Variants in PHF12 observed in about 807,000 individuals in gnomAD.
PHF12 encodes the protein PHD factor 1.
PHF12 carries 6 observed loss-of-function variants against 99.8 expected under a neutral mutation model. The observed-to-expected ratio is 0.06, with a 90% CI of 0.03 to 0.12. The LOEUF (loss-of-function observed/expected upper bound fraction) is 0.12. Among genes scored for constraint, PHF12 ranks in the 10% least tolerant of loss-of-function variants. The probability of loss-of-function intolerance (pLI) is 1.00; values close to 1 mark genes in which losing one functional copy is unlikely to be tolerated. For synonymous variants in PHF12, 480 were observed against 514.9 expected (o/e 0.93, Z 0.92); for missense variants, 954 against 1,300.1 (o/e 0.73, Z 4.09).
intron 3 of PHF12, chr17:28,925,699 T>C (rs2040259298): frequency 6.6e-6 from 1 of 152,214 alleles, no homozygotes; most frequent in Non-Finnish European, 1.5e-5. Flanking sequence ...TTTGAGTCCT[T>C]GGGAAAGTTA....
rs183905228 is a variant in PHF12 at position 28,912,198 on chromosome 17, T to C, written c.2089+284A>G. 4.4e-3 allele frequency: 5,528 copies of C among 1,242,930 alleles called. 16 individuals carry two copies. Among genetic ancestry groups the C allele is most frequent in the Non-Finnish European group, 4.8e-3 (4,721 of 992,158 alleles). The allele number at this position is 1,242,930 out of a possible 1,614,324, so 77.0% of individuals were successfully genotyped here. ...GGCAGAGGCCTAGGCCTGGAAGGTA[T>C]GGGATGGAGTCAGGAGACCTGGGCT... On this transcript the variant is annotated intron_variant, in intron 9 of 14. Coordinates refer to ENST00000332830, the MANE Select transcript of PHF12 (RefSeq NM_001033561.2).
In PHF12 at chr17:28,950,939, T is replaced by C. The variant is rs2040799574; in HGVS notation, c.22A>G (p.Lys8Glu). 6.2e-7 allele frequency: 1 copy of C among 1,613,866 alleles called. No individual in the cohort carries two copies. The highest frequency in any genetic ancestry group is 8.5e-7 in the Non-Finnish European group (1 of 1,179,940). Reference sequence around the variant, plus strand: ...GTGTCCAAGTCGTACACGATCGTCTTGGTCTCCATTTTCTCCCACATTCAT... The same window carrying C: ...GTGTCCAAGTCGTACACGATCGTCTCGGTCTCCATTTTCTCCCACATTCAT... MWEKMET[K>E]TIVYDLDTSG... Residue 8 changes from lysine (K) to glutamate (E), a missense_variant, in exon 1 of 15, where the codon AAG (lysine) becomes GAG (glutamate). This residue lies in a region of PHF12 where 66 missense variants were observed against 69.4 expected (regional missense o/e 0.95). Coordinates refer to ENST00000332830, the MANE Select transcript of PHF12 (RefSeq NM_001033561.2). The surrounding 1 kb of genome is among the most constrained non-coding windows in gnomAD (Gnocchi z 5.7).
At position 28,906,516 on chromosome 17, in the gene PHF12, C is replaced by A. The variant is rs761839215; in HGVS notation, c.2682G>T (p.Arg894Ser). 6.3e-7 allele frequency: 1 copy of A among 1,592,092 alleles called. No homozygotes were observed. The change falls in exon 15 of 15, where the codon AGG becomes AGT. Residue 894 changes from arginine (R) to serine (S), a missense_variant and splice_region_variant. Physicochemically the swap from Arg to Ser is moderately radical, Grantham distance 110 (BLOSUM62 -1). This residue lies in a region of PHF12 where 136 missense variants were observed against 172.3 expected (regional missense o/e 0.79). Transcript: ENST00000332830. This position sits in a 1 kb window ranked among gnomAD's most constrained non-coding sequence, Gnocchi z 4.2. ...CGTCCTGTTTCTGGTGCCGGCGGCGCCCTGGGAAAAAGGGGGATGGTCACA... is the reference window on the plus strand; with the variant it reads ...CGTCCTGTTTCTGGTGCCGGCGGCGACCTGGGAAAAAGGGGGATGGTCACA... ...SIVAKVQSVI[R>S]RRRHQKQDEE...
At chr17:28,938,487 C>T (rs1183916401) in intron 2 of PHF12, among the ~76,000 whole-genome samples, 1 of 152,102 alleles carries the variant, frequency 6.6e-6, no homozygotes, top group African/African-American at 2.4e-5. Flanking sequence ...CTCAGCTTCC[C>T]AAAGTGCTAG....
intron 7 of PHF12, among the ~76,000 whole-genome samples, chr17:28,915,534 G>C (rs1008829729): frequency 5.9e-5 from 9 of 152,112 alleles, no homozygotes; most frequent in African/African-American, 2.2e-4. Context: ...ATGGGCTGGT[G>C]ATGGCCTTAG....
chr17:28,908,802 T>C lies in PHF12; in HGVS notation c.2439A>G (p.Arg813=), dbSNP rs2039912321. The stretch of plus-strand genomic sequence containing the variant: ...GCTCACCTGTCCCGATGTAGAGGGT[T>C]CGATAGCACATGTTCACAGCTCCTC... ...GLGGAVNMCY[R]TLYIGTGADM... The change falls in exon 12 of 15, where the codon CGA becomes CGG. Residue 813 remains arginine (R), a synonymous_variant. Transcript: ENST00000332830. 6.2e-7 allele frequency: 1 copy of C among 1,613,706 alleles called. No individual in the cohort carries two copies. The highest frequency in any genetic ancestry group is 8.5e-7 in the Non-Finnish European group (1 of 1,179,930).
At chr17:28,940,490 A>G (rs2152676977) in intron 2 of PHF12, among the ~76,000 whole-genome samples, 1 of 152,362 alleles carries the variant, frequency 6.6e-6, no homozygotes, top group Admixed American at 6.5e-5. Flanking sequence ...TGAATTCCAC[A>G]ACAGCTCTAT....
Position 28,913,081 on chromosome 17 carries a change from G to A in PHF12, c.1490C>T (p.Pro497Leu). 2 of 1,614,184 alleles carry A rather than the reference G, an allele frequency of 1.2e-6. No homozygotes were observed. The highest frequency in any genetic ancestry group is 1.7e-6 in the Non-Finnish European group (2 of 1,180,020). Residue 497 changes from proline (P) to leucine (L), a missense_variant, in exon 9 of 15, where the codon CCC becomes CTC. Transcript: ENST00000332830. ...GGAATTCTGGGTGCTAATCCCTGAG[G>A]GGCAGGACAAGGGGTAGTGGGAAGG... Reference protein sequence around the residue: ...PTPSHYPLSCPSGISTQNSLS... With the variant: ...PTPSHYPLSCLSGISTQNSLS...
intron 2 of PHF12, chr17:28,928,320 G>C (rs1488472023): frequency 2.0e-5 from 3 of 152,174 alleles, no homozygotes; most frequent in Non-Finnish European, 4.4e-5. Flanking sequence ...TTCTGTACCA[G>C]GCCAATGAGT....
intron 2 of PHF12, among the ~76,000 whole-genome samples, chr17:28,939,975 C>A (rs1413750389): frequency 6.6e-6 from 1 of 152,224 alleles, no homozygotes; most frequent in South Asian, 2.1e-4. Flanking sequence ...GAAAGACTGA[C>A]GCTACATTCA....
chr17:28,908,190 C>CT (rs2039903822), intron 12 of PHF12: 1 of 160,858 alleles, frequency 6.2e-6, no homozygotes, highest in South Asian at 1.7e-4. Flanking sequence ...AAGCATCTGC[C>CT]TTCTCCTTAG....
In PHF12 at chr17:28,943,286, C is replaced by A. The variant is rs577127350; in HGVS notation, c.248+6779G>T. Among the ~76,000 whole-genome samples, 68 of 152,260 alleles carry A rather than the reference C, an allele frequency of 4.5e-4. 2 individuals are homozygous for A. The South Asian group carries it at 9.8e-3, about 22-fold the overall frequency. Reference sequence around the variant, plus strand: ...GGTTAAGAGTTACCATACGACCCAGCAATTCTGCCTCTAGGTGTATATCCA... The same window carrying A: ...GGTTAAGAGTTACCATACGACCCAGAAATTCTGCCTCTAGGTGTATATCCA... On this transcript the variant is annotated intron_variant, in intron 2 of 14. Transcript: ENST00000332830.
rs994028532 is a variant in PHF12, at chr17:28,935,052, T to C, written c.249-7989A>G. Among the ~76,000 whole-genome samples, 4 of 152,232 alleles carry C rather than the reference T, an allele frequency of 2.6e-5. No individual in the cohort carries two copies. The East Asian group carries it at 7.7e-4, about 29-fold the overall frequency. ...AAGGACCTCTACTTTATTTTCTGGC[T>C]TCAAAAGAGCATAGCCTGCATTGCT... On this transcript the variant is annotated intron_variant, in intron 2 of 14. Coordinates refer to ENST00000332830, the MANE Select transcript of PHF12 (RefSeq NM_001033561.2).
rs150665430 is a variant in PHF12 at position 28,936,044 on chromosome 17, T to C, written c.249-8981A>G. 2.2e-3 allele frequency among the ~76,000 whole-genome samples: 328 copies of C among 152,346 alleles called. 2 individuals carry two copies. Among genetic ancestry groups the C allele is most frequent in the African/African-American group, 7.5e-3 (312 of 41,572 alleles). ...ATTTAGAATGCCTTGCATTCACTAA[T>C]AAGGCTGCAGCTCAACACTGCAAGT... On this transcript the variant is annotated intron_variant, in intron 2 of 14. Coordinates refer to ENST00000332830, the MANE Select transcript of PHF12 (RefSeq NM_001033561.2).
rs73986766 is a variant in PHF12 at position 28,950,732 on chromosome 17, C to T, written c.66+163G>A. 5,422 of 1,043,956 alleles carry T rather than the reference C, an allele frequency of 5.2e-3. 199 individuals carry two copies. The African/African-American group carries it at 0.079, about 15-fold the overall frequency. The allele number at this position is 1,043,956 out of a possible 1,614,324, so 64.7% of individuals were successfully genotyped here. On this transcript the variant is annotated intron_variant, in intron 1 of 14. Coordinates refer to ENST00000332830, the MANE Select transcript of PHF12 (RefSeq NM_001033561.2). This position sits in a 1 kb window ranked among gnomAD's most constrained non-coding sequence, Gnocchi z 5.7. ...GCTGCAAACGTCCTCGGAGGCTGAG[C>T]TCAGCCCCCTAAATTGCAAAGAGGG...
chr17:28,910,004 A>AG (rs1157491301), intron 11 of PHF12: 6 of 703,684 alleles, frequency 8.5e-6, no homozygotes, highest in Non-Finnish European at 1.3e-5. Flanking sequence ...TATATATGAA[A>AG]GAAAGTTACA....
chr17:28,936,927 C>T (rs1021450728), intron 2 of PHF12, among the ~76,000 whole-genome samples: 5 of 152,178 alleles, frequency 3.3e-5, no homozygotes, highest in African/African-American at 1.2e-4. Flanking sequence ...GCCCTGCGGC[C>T]CTCATCCAGC....
Position 28,917,265 on chromosome 17 carries a change from T to C in PHF12, c.1134+20A>G. On this transcript the variant is annotated intron_variant, in intron 7 of 14. Transcript: ENST00000332830. The stretch of plus-strand genomic sequence containing the variant: ...ATGGCAGGCAGACTACCATCTTGCC[T>C]GCACCTGATTGTGACTCACCTTCAA... The C allele has an allele frequency of 6.2e-7, 1 of 1,612,882 alleles. No individual in the cohort carries two copies.
At chr17:28,924,627 CAGTG>C (rs2040232970) in intron 3 of PHF12, 1 of 375,576 alleles carries the variant, frequency 2.7e-6, no homozygotes. Context: ...AAAGGTAACA[CAGTG>C]AGAATAAATT....
Sources: allele counts gnomAD v4.1 joint callset (sites outside exome capture counted in the v4.1 genomes callset), GRCh38; gene constraint gnomAD v4.1.1; regional missense constraint gnomAD v4.1.1; non-coding constraint Gnocchi (gnomAD v3.1); transcripts MANE v1.5; gene names NCBI Gene and HGNC (gene_info 2026-07-23, HGNC 2026-07-21).